Variants in DNAH5 observed in about 807,000 individuals in gnomAD.
DNAH5 encodes the protein dynein axonemal heavy chain 5.
DNAH5 carries 372 observed loss-of-function variants against 518.2 expected under a neutral mutation model. The observed-to-expected ratio is 0.72, with a 90% confidence interval of 0.66 to 0.78. The LOEUF (loss-of-function observed/expected upper bound fraction) is 0.78. Ranked by LOEUF, DNAH5 falls within the 30% of genes least tolerant of loss-of-function variation. DNAH5 has a pLI of 0.00. For missense variants in DNAH5, 5,523 were observed against 5,687.0 expected (o/e 0.97, Z 0.93); for synonymous variants, 2,039 against 2,025.9 (o/e 1.01, Z -0.17).
At chr5:13,988,497 A>C (rs1303084687) in intron 1 of DNAH5, among the ~76,000 whole-genome samples, 10 of 151,842 alleles carry the variant, frequency 6.6e-5, no homozygotes, top group Admixed American at 6.6e-4. Context: ...AGCTCACTGC[A>C]ACCTCTGCCT....
chr5:13,869,064 G>T (rs902236464), intron 24 of DNAH5, among the ~76,000 whole-genome samples: 61 of 152,118 alleles, frequency 4.0e-4, no homozygotes, highest in African/African-American at 1.4e-3. Context: ...GGTATCCCCT[G>T]ATCCTGCACA....
intron 65 of DNAH5, among the ~76,000 whole-genome samples, chr5:13,741,819 A>G (rs1296812519): frequency 3.3e-5 from 5 of 152,282 alleles, no homozygotes; most frequent in African/African-American, 1.2e-4. Flanking sequence ...TTTGAATTAC[A>G]GCTCTCAAAA....
chr5:13,914,503 A>G lies in DNAH5; in HGVS notation c.1320+17T>C. 6.2e-7 allele frequency: 1 copy of G among 1,611,916 alleles called. No homozygotes were observed. Among genetic ancestry groups the G allele is most frequent in the Non-Finnish European group, 8.5e-7 (1 of 1,178,930 alleles). Reference sequence around the variant, plus strand: ...GATAAAAAGAATAGAACATCTAAATACTAAACTGACCATTACCTGTTTCAG... The same window carrying G: ...GATAAAAAGAATAGAACATCTAAATGCTAAACTGACCATTACCTGTTTCAG... On this transcript the variant is annotated intron_variant, in intron 10 of 78. Coordinates refer to ENST00000265104, the MANE Select transcript of DNAH5 (RefSeq NM_001369.3).
chr5:13,914,610 G>A lies in DNAH5; in HGVS notation c.1230C>T (p.Ala410=). The change falls in exon 10 of 79, where the codon GCC becomes GCT. Residue 410 remains alanine, a synonymous_variant. Coordinates refer to ENST00000265104, the MANE Select transcript of DNAH5 (RefSeq NM_001369.3). ...VTNQIISACK[A]YITNNGTASI... ...AAGCGGTTCCATTATTGGTAATATA[G>A]GCTTTACATGCAGATATAATCTGAT... The A allele has an allele frequency of 6.2e-7, 1 of 1,613,122 alleles. No homozygotes were observed. The highest frequency in any genetic ancestry group is 8.5e-7 in the Non-Finnish European group (1 of 1,179,278).
chr5:13,832,107 T>G (rs969140087), intron 35 of DNAH5, among the ~76,000 whole-genome samples: 1 of 151,962 alleles, frequency 6.6e-6, no homozygotes, highest in Admixed American at 6.6e-5. Flanking sequence ...AGTTTACCTA[T>G]GTAACAAACC....
chr5:13,960,570 CA>C (rs1781109245), intron 1 of DNAH5, among the ~76,000 whole-genome samples: 1 of 152,224 alleles, frequency 6.6e-6, no homozygotes, highest in Non-Finnish European at 1.5e-5. Context: ...CTGAGAGCTG[CA>C]AAGTCTGTAA....
intron 1 of DNAH5, among the ~76,000 whole-genome samples, chr5:14,000,216 G>A (rs1199706410): frequency 1.3e-5 from 2 of 152,218 alleles, no homozygotes; most frequent in Admixed American, 1.3e-4. Flanking sequence ...ACAGAGACAA[G>A]CACAGAGGAA....
At chr5:13,923,538 G>A (rs749182646) in intron 3 of DNAH5, 98 bp from the exon 4 acceptor site, 59 of 1,378,972 alleles carry the variant, frequency 4.3e-5, no homozygotes, top group Non-Finnish European at 5.8e-5. Context: ...TGCCATTGTT[G>A]ACTTGTCCAT....
Position 13,793,938 on chromosome 5 carries a change from GA to G in DNAH5, c.8007del (p.Gln2670ArgfsTer6). ...AATGCACAATAGAATGATGATACCT[GA>G]TCTCCCCACTCATTGATTATTGGCA... ...VNMPIINEWG[D>X]QVTNEIVRQL... On this transcript the variant is annotated frameshift_variant, in exon 48 of 79. Coordinates refer to ENST00000265104, the MANE Select transcript of DNAH5 (RefSeq NM_001369.3). LOFTEE classifies it high-confidence loss of function. The G allele has an allele frequency of 1.2e-6, 2 of 1,613,852 alleles. No individual in the cohort carries two copies. The highest frequency in any genetic ancestry group is 1.7e-6 in the Non-Finnish European group (2 of 1,179,876).
chr5:13,762,668 C>T (rs537164976), intron 60 of DNAH5, 54 bp downstream of exon 60: 11 of 1,526,724 alleles, frequency 7.2e-6, no homozygotes, highest in African/African-American at 1.4e-5. Context: ...TAAGACGGGT[C>T]GACCTGGAGA....
chr5:13,736,091 ATATT>A (rs1360321713), intron 66 of DNAH5, among the ~76,000 whole-genome samples, 159 bp from the exon 67 acceptor site: 2 of 152,202 alleles, frequency 1.3e-5, no homozygotes, highest in African/African-American at 4.8e-5. Context: ...ATTTATTAAT[ATATT>A]TATTATTTAC....
chr5:13,750,934 A>C, intron 65 of DNAH5, 144 bp downstream of exon 65: 1 of 919,238 alleles, frequency 1.1e-6, no homozygotes, highest in Non-Finnish European at 1.7e-6. Context: ...GGAAAAAAAG[A>C]AAACACTTGG....
At chr5:13,693,872 A>T (rs1361823633) in intron 78 of DNAH5, among the ~76,000 whole-genome samples, 1 of 152,234 alleles carries the variant, frequency 6.6e-6, no homozygotes, top group East Asian at 1.9e-4. Context: ...GTCTGAGTGT[A>T]ATTTTTCCAA....
chr5:13,747,665 G>T (rs1435194945), intron 65 of DNAH5, among the ~76,000 whole-genome samples: 1 of 152,250 alleles, frequency 6.6e-6, no homozygotes, highest in African/African-American at 2.4e-5. Context: ...TCATGTGTCT[G>T]TTGGCTGCAT....
At chr5:13,992,028 G>A (rs1018423562) in intron 1 of DNAH5, among the ~76,000 whole-genome samples, 7 of 152,208 alleles carry the variant, frequency 4.6e-5, no homozygotes, top group Non-Finnish European at 8.8e-5. Flanking sequence ...TACTAGACAA[G>A]AGATGAAGAC....
intron 15 of DNAH5, chr5:13,898,215 A>C (rs1774153129): frequency 5.1e-6 from 1 of 196,198 alleles, no homozygotes; most frequent in Admixed American, 6.0e-5. Context: ...TTACCCATAA[A>C]GTCATGATAT....
chr5:13,793,423 T>C (rs773281698), intron 49 of DNAH5, 92 bp downstream of exon 49: 66 of 1,084,824 alleles, frequency 6.1e-5, no homozygotes, highest in Non-Finnish European at 9.0e-5. Flanking sequence ...CCCAGTGCTC[T>C]TTCTGTGTGG....
chr5:13,974,212 T>G (rs1270723999), intron 1 of DNAH5, among the ~76,000 whole-genome samples: 2 of 151,756 alleles, frequency 1.3e-5, no homozygotes, highest in Middle Eastern at 3.4e-3. Flanking sequence ...CTTGGGTTAC[T>G]GCAACCTCTG....
rs1579969262 is a variant in DNAH5 at position 13,735,324 on chromosome 5, G to A, written c.11571-3C>T. 6.2e-7 allele frequency: 1 copy of A among 1,613,514 alleles called. No individual in the cohort carries two copies. The highest frequency in any genetic ancestry group is 2.2e-5 in the East Asian group (1 of 44,816). On this transcript the variant is annotated splice_region_variant and splice_polypyrimidine_tract_variant and intron_variant, in intron 67 of 78. Coordinates refer to ENST00000265104, the MANE Select transcript of DNAH5 (RefSeq NM_001369.3). Reference sequence around the variant, plus strand: ...TTGTAATCGGGCTCTTGACAGACCTGGTGAATAGAATATTTAAATCAGGCT... The same window carrying A: ...TTGTAATCGGGCTCTTGACAGACCTAGTGAATAGAATATTTAAATCAGGCT...
Sources: gnomAD v4.1 joint callset for allele counts (sites outside exome capture counted in the v4.1 genomes callset) on GRCh38, gnomAD v4.1.1 for gene constraint, MANE v1.5 for transcripts, NCBI Gene and HGNC (gene_info 2026-07-23, HGNC 2026-07-21) for gene names.